Variants in TRPV3 observed in about 807,000 individuals in gnomAD.
The protein encoded by TRPV3 is transient receptor potential cation channel subfamily V member 3.
In TRPV3, 88 loss-of-function variants were observed where a neutral mutation model predicts 87.1. The observed-to-expected ratio is 1.01, with a 90% confidence interval of 0.85 to 1.21. The LOEUF (loss-of-function observed/expected upper bound fraction) is 1.21. Ranked by LOEUF, TRPV3 falls within the 50% of genes most tolerant of loss-of-function variation. The pLI is 0.00. For missense variants in TRPV3, 1,054 were observed against 1,030.1 expected, an observed-to-expected ratio of 1.02 and a Z score of -0.32; for synonymous variants, 438 against 423.3, an observed-to-expected ratio of 1.03 and a Z score of -0.43.
intron 13 of TRPV3, among the ~76,000 whole-genome samples, chr17:3,522,266 C>T (rs1233960692): frequency 6.6e-6 from 1 of 152,104 alleles, no homozygotes; most frequent in Non-Finnish European, 1.5e-5. Context: ...ACTCTATGTC[C>T]AGTAACATAA....
intron 11 of TRPV3, chr17:3,527,624 T>C: frequency 4.0e-6 from 1 of 248,442 alleles, no homozygotes; most frequent in Non-Finnish European, 7.9e-6. Context: ...GATGGACGGA[T>C]GGACAGATGG....
At chr17:3,539,608 G>A (rs949777140) in intron 6 of TRPV3, 3 of 152,030 alleles carry the variant, frequency 2.0e-5, no homozygotes, top group Non-Finnish European at 1.5e-5. Context: ...AGTCGTGGTC[G>A]CGCCACTGCA....
chr17:3,520,193 G>A (rs1323279889), intron 14 of TRPV3, among the ~76,000 whole-genome samples: 1 of 152,172 alleles, frequency 6.6e-6, no homozygotes, highest in African/African-American at 2.4e-5. Flanking sequence ...AAAAGCAACT[G>A]GTACGTGGGG....
chr17:3,512,967 C>T lies in TRPV3; in HGVS notation c.*950G>A, dbSNP rs1265463129. On this transcript the variant is annotated 3_prime_UTR_variant, in exon 18 of 18. Transcript: ENST00000576742. ...GCTTCAGCGAAAGCCACGATCCCAG[C>T]ACACAGGCACGCGCTACTGTGAGGT... The T allele has an allele frequency of 1.3e-5, 2 of 152,144 alleles. No individual in the cohort carries two copies. The highest frequency in any genetic ancestry group is 2.9e-5 in the Non-Finnish European group (2 of 68,050). The allele number at this position is 152,144 out of a possible 1,614,324, so 9.4% of individuals were successfully genotyped here. A position where few individuals can be genotyped will look rare whatever the true frequency, so the allele number is the denominator to read the frequency against.
rs150461505 is a variant in TRPV3 at position 3,555,303 on chromosome 17, C to T, written c.-2-451G>A. Reference sequence around the variant, plus strand: ...GCTCTGCTTTCCTGAGGTCCCTCTCCGATTTTGTGATGAGCAGCTCTCCAA... The same window carrying T: ...GCTCTGCTTTCCTGAGGTCCCTCTCTGATTTTGTGATGAGCAGCTCTCCAA... On this transcript the variant is annotated intron_variant, in intron 1 of 17. Coordinates refer to ENST00000576742, the MANE Select transcript of TRPV3 (RefSeq NM_145068.4). Among the ~76,000 whole-genome samples, 258 of 152,334 alleles carry T rather than the reference C, an allele frequency of 1.7e-3. 4 individuals carry two copies. In the East Asian group the frequency reaches 0.029, roughly 17 times the overall value.
intron 16 of TRPV3, among the ~76,000 whole-genome samples, chr17:3,515,662 GA>G (rs1241614106): frequency 6.9e-6 from 1 of 145,928 alleles, no homozygotes; most frequent in Non-Finnish European, 1.5e-5. Flanking sequence ...AAACAGAAAA[GA>G]AAAGGTGGTC....
At position 3,524,383 on chromosome 17, in the gene TRPV3, G is replaced by C; in HGVS notation, c.1578-20C>G. On this transcript the variant is annotated intron_variant, in intron 12 of 17. Coordinates refer to ENST00000576742, the MANE Select transcript of TRPV3 (RefSeq NM_145068.4). ...ATAAAACTGTTCAGGAGACACAGGAGACACGGGCCTTACTTACTTCTCAGC... is the reference window on the plus strand; with the variant it reads ...ATAAAACTGTTCAGGAGACACAGGACACACGGGCCTTACTTACTTCTCAGC... The C allele has an allele frequency of 6.2e-7, 1 of 1,613,142 alleles. No individual in the cohort carries two copies. The highest frequency in any genetic ancestry group is 8.5e-7 in the Non-Finnish European group (1 of 1,179,402).
rs957707041 is a variant in TRPV3 at position 3,530,599 on chromosome 17, C to T, written c.1066-396G>A. On this transcript the variant is annotated intron_variant, in intron 8 of 17. Transcript: ENST00000576742. This position sits in a 1 kb window ranked among gnomAD's most constrained non-coding sequence, Gnocchi z 4.0. The stretch of plus-strand genomic sequence containing the variant: ...AGAAGCCAGAAGTGTTCTCAGCGTC[C>T]CCAGCCCACCCTAAGCCAAGACTCC... 6.6e-6 allele frequency among the ~76,000 whole-genome samples: 1 copy of T among 152,112 alleles called. No individual in the cohort carries two copies. The highest frequency in any genetic ancestry group is 1.5e-5 in the Non-Finnish European group (1 of 68,016).
chr17:3,514,731 T>G, intron 16 of TRPV3, 59 bp from the exon 17 acceptor site: 1 of 1,350,456 alleles, frequency 7.4e-7, no homozygotes, highest in Non-Finnish European at 1.1e-6. Flanking sequence ...TACTAACAAA[T>G]AGCCCTGCGT....
chr17:3,513,897 A>G lies in TRPV3; in HGVS notation c.*20T>C. On this transcript the variant is annotated 3_prime_UTR_variant, in exon 18 of 18. Transcript: ENST00000576742. ...GCAGCGCCAGACAGCGCACGCGCAC[A>G]CCAGCTCTGGGTTCCGCTTCTACAC... The G allele has an allele frequency of 6.2e-7, 1 of 1,606,316 alleles. No homozygotes were observed. The highest frequency in any genetic ancestry group is 8.5e-7 in the Non-Finnish European group (1 of 1,173,102).
At position 3,513,987 on chromosome 17, in the gene TRPV3, G is replaced by C. The variant is rs1240613364; in HGVS notation, c.2303C>G (p.Ser768Cys). ...RTDFNKIQDS[S>C]RNNSKTTLNA... The stretch of plus-strand genomic sequence containing the variant: ...GAGAGTGGTTTTGCTGTTGTTCCTG[G>C]AAGAATCTTGGATTTTGTTGAAATC... The change falls in exon 18 of 18, where the codon TCC becomes TGC. Residue 768 changes from serine (S) to cysteine (C), a missense_variant. Coordinates refer to ENST00000576742, the MANE Select transcript of TRPV3 (RefSeq NM_145068.4). 6.2e-7 allele frequency: 1 copy of C among 1,613,896 alleles called. No homozygotes were observed. Among genetic ancestry groups the C allele is most frequent in the South Asian group, 1.1e-5 (1 of 90,992 alleles).
At chr17:3,517,463 A>C (rs954726025) in intron 15 of TRPV3, among the ~76,000 whole-genome samples, 1 of 151,714 alleles carries the variant, frequency 6.6e-6, no homozygotes, top group African/African-American at 2.4e-5. Flanking sequence ...TACAAAAAAT[A>C]CAAAAATGAC....
In TRPV3 at chr17:3,514,651, A is replaced by G. The variant is rs1163938114; in HGVS notation, c.2220T>C (p.Thr740=). The part of the protein sequence containing the change: ...LCLRINEVKW[T]EWKTHVSFLN... Reference sequence around the variant, plus strand: ...GGAAGGAGACGTGCGTCTTCCATTCAGTCCACTTCACCTCATTGATCCTGC... The same window carrying G: ...GGAAGGAGACGTGCGTCTTCCATTCGGTCCACTTCACCTCATTGATCCTGC... Residue 740 remains threonine, a synonymous_variant, in exon 17 of 18, where the codon ACT becomes ACC. Transcript: ENST00000576742. 1 of 1,613,878 alleles carries G rather than the reference A, an allele frequency of 6.2e-7. No individual in the cohort carries two copies. Among genetic ancestry groups the G allele is most frequent in the South Asian group, 1.1e-5 (1 of 91,074 alleles).
At chr17:3,552,577 G>T (rs910694991) in intron 2 of TRPV3, 1 of 152,262 alleles carries the variant, frequency 6.6e-6, no homozygotes, top group Non-Finnish European at 1.5e-5. Flanking sequence ...TCACATGAGG[G>T]TCCTCAGAGG....
chr17:3,554,669 GCCAGGCC>G, intron 2 of TRPV3, 56 bp downstream of exon 2: 1 of 1,157,420 alleles, frequency 8.6e-7, no homozygotes, highest in Non-Finnish European at 1.3e-6. Context: ...CTGGGGGGGT[GCCAGGCC>G]CCCACTCGTG....
At position 3,528,810 on chromosome 17, in the gene TRPV3, T is replaced by A; in HGVS notation, c.1401+27A>T. The A allele has an allele frequency of 6.2e-7, 1 of 1,612,544 alleles. No individual in the cohort carries two copies. The highest frequency in any genetic ancestry group is 8.5e-7 in the Non-Finnish European group (1 of 1,179,210). ...AGCCCCTCCAGCTCTGACGGCCCCA[T>A]TTTCCCCCTCCAAGGGGCCCACGTA... On this transcript the variant is annotated intron_variant, in intron 10 of 17. Transcript: ENST00000576742. This position sits in a 1 kb window ranked among gnomAD's most constrained non-coding sequence, Gnocchi z 4.2.
In TRPV3 at chr17:3,532,637, C is replaced by T. The variant is rs372422338; in HGVS notation, c.1065+20G>A. ...TCCTGACCTCCCGACCTCCTGCCTC[C>T]CCACGCCCCATGGCCCCACCTCCGC... On this transcript the variant is annotated intron_variant, in intron 8 of 17. Coordinates refer to ENST00000576742, the MANE Select transcript of TRPV3 (RefSeq NM_145068.4). 22 of 1,612,128 alleles carry T rather than the reference C, an allele frequency of 1.4e-5. No individual in the cohort carries two copies. In the African/African-American group the frequency reaches 2.7e-4, roughly 20 times the overall value.
At chr17:3,514,069 TTTTTC>T in intron 17 of TRPV3, 58 bp from the exon 18 acceptor site, 11 of 1,401,684 alleles carry the variant, frequency 7.8e-6, no homozygotes, top group Non-Finnish European at 1.1e-5. Context: ...GTGTGTTTCT[TTTTTC>T]TTTTTCTTTT....
At position 3,520,955 on chromosome 17, in the gene TRPV3, T is replaced by C; in HGVS notation, c.1810+18A>G. On this transcript the variant is annotated intron_variant, in intron 14 of 17. Transcript: ENST00000576742. ...TGTTTATAAATGTGGGAGTTACTAT[T>C]ATTTATAAATCAATTACCTACTCCA... 1 of 1,525,694 alleles carries C rather than the reference T, an allele frequency of 6.6e-7. No individual in the cohort carries two copies. Among genetic ancestry groups the C allele is most frequent in the Non-Finnish European group, 9.1e-7 (1 of 1,101,514 alleles). The allele number at this position is 1,525,694 out of a possible 1,614,324, so 94.5% of individuals were successfully genotyped here.
Sources: gnomAD v4.1 joint callset for allele counts (sites outside exome capture counted in the v4.1 genomes callset) on GRCh38, gnomAD v4.1.1 for gene constraint, Gnocchi (gnomAD v3.1) non-coding constraint, MANE v1.5 for transcripts, NCBI Gene and HGNC (gene_info 2026-07-23, HGNC 2026-07-21) for gene names.